NDST4: variants seen among roughly 807,000 people sequenced by gnomAD.
NDST4 encodes N-deacetylase and N-sulfotransferase 4.
A neutral mutation model predicts 100.8 loss-of-function variants in NDST4; 63 were observed. The observed-to-expected ratio is 0.62, with a 90% CI of 0.51 to 0.77. NDST4 has a LOEUF of 0.77. Among genes scored for constraint, NDST4 ranks in the 30% least tolerant of loss-of-function variants. NDST4 has a pLI of 0.00. For missense variants in NDST4, 943 were observed against 1,018.4 expected (o/e 0.93, Z 1.01); for synonymous variants, 377 against 361.8 (o/e 1.04, Z -0.48).
intron 6 of NDST4, among the ~76,000 whole-genome samples, chr4:114,886,671 T>C (rs1316924089): frequency 6.6e-6 from 1 of 152,124 alleles, no homozygotes; most frequent in African/African-American, 2.4e-5. Flanking sequence ...TAGTTTTTGA[T>C]AGATGGGAAA....
chr4:115,047,874 AAAT>A (rs1247852910), intron 2 of NDST4, among the ~76,000 whole-genome samples: 2 of 152,170 alleles, frequency 1.3e-5, no homozygotes, highest in African/African-American at 4.8e-5. Flanking sequence ...AATATTATAA[AAAT>A]AATGACTTGT....
chr4:114,889,141 C>T (rs1399758121), intron 6 of NDST4, among the ~76,000 whole-genome samples: 1 of 152,040 alleles, frequency 6.6e-6, no homozygotes, highest in African/African-American at 2.4e-5. Context: ...TTATATTTTA[C>T]AAAAGCACAT....
intron 2 of NDST4, among the ~76,000 whole-genome samples, chr4:115,015,670 A>G (rs1727660935): frequency 6.6e-6 from 1 of 152,086 alleles, no homozygotes; most frequent in East Asian, 1.9e-4. Flanking sequence ...TTAATAACCA[A>G]GTAGATAGTA....
At chr4:114,893,461 A>T (rs1203176149) in intron 6 of NDST4, among the ~76,000 whole-genome samples, 1 of 151,752 alleles carries the variant, frequency 6.6e-6, no homozygotes, top group Non-Finnish European at 1.5e-5. Context: ...ATGGTTTCTC[A>T]TTGTGGTTTT....
At chr4:114,948,798 A>T (rs948545951) in intron 4 of NDST4, among the ~76,000 whole-genome samples, 8 of 152,098 alleles carry the variant, frequency 5.3e-5, no homozygotes, top group African/African-American at 7.2e-5. Flanking sequence ...CAACTACTTT[A>T]AAAAATCATG....
At chr4:114,866,007 ATATT>A (rs1724018754) in intron 7 of NDST4, among the ~76,000 whole-genome samples, 1 of 152,238 alleles carries the variant, frequency 6.6e-6, no homozygotes, top group Admixed American at 6.5e-5. Context: ...TTAGGAAAAA[ATATT>A]TAAGATAATA....
At chr4:115,024,154 C>G (rs1727927470) in intron 2 of NDST4, among the ~76,000 whole-genome samples, 1 of 152,150 alleles carries the variant, frequency 6.6e-6, no homozygotes, top group African/African-American at 2.4e-5. Flanking sequence ...ACACAGCCCC[C>G]ACTAGGAAAA....
intron 6 of NDST4, among the ~76,000 whole-genome samples, chr4:114,918,416 T>C (rs1441257990): frequency 7.3e-6 from 1 of 136,698 alleles, no homozygotes; most frequent in Non-Finnish European, 1.6e-5. Context: ...GGGGGAGGGA[T>C]AGCATTGGGA....
chr4:114,835,492 T>C (rs916167901), intron 11 of NDST4, among the ~76,000 whole-genome samples: 3 of 152,220 alleles, frequency 2.0e-5, no homozygotes, highest in Admixed American at 1.3e-4. Context: ...CTGTTTGTTA[T>C]GATTTCCATT....
At chr4:114,843,315 C>T (rs1442895775) in intron 10 of NDST4, among the ~76,000 whole-genome samples, 1 of 152,156 alleles carries the variant, frequency 6.6e-6, no homozygotes, top group Non-Finnish European at 1.5e-5. Context: ...TAAGCCATTT[C>T]CTATAGCCAT....
chr4:114,833,761 G>A, intron 11 of NDST4, 46 bp from the exon 12 acceptor site: 1 of 1,258,028 alleles, frequency 7.9e-7, no homozygotes, highest in Non-Finnish European at 1.1e-6. Flanking sequence ...AAATTAAATT[G>A]AATAGACTGT....
At chr4:114,943,571 GTA>G (rs757024227) in intron 4 of NDST4, among the ~76,000 whole-genome samples, 17 of 152,050 alleles carry the variant, frequency 1.1e-4, no homozygotes, top group Admixed American at 2.0e-4. Flanking sequence ...TTACATTTGA[GTA>G]TCTCTGCCAA....
At chr4:115,104,453 A>G (rs1373860707) in intron 1 of NDST4, among the ~76,000 whole-genome samples, 1 of 152,088 alleles carries the variant, frequency 6.6e-6, no homozygotes, top group Admixed American at 6.6e-5. Context: ...CAGAAGACCA[A>G]CTAGGAAACA....
Position 114,921,953 on chromosome 4 carries a change from CT to C in NDST4, c.1536+13252del, listed in dbSNP as rs1010962260. Among the ~76,000 whole-genome samples the C allele has an allele frequency of 4.4e-4, 67 of 151,858 alleles. 1 individual carries two copies. Among genetic ancestry groups the C allele is most frequent in the African/African-American group, 1.5e-3 (61 of 41,422 alleles). Reference sequence around the variant, plus strand: ...TCCTCTCCCCTGTTCTCTCATTTCCCTTTTTTTTCTGACACAACATTAACAA... The same window carrying C: ...TCCTCTCCCCTGTTCTCTCATTTCCCTTTTTTTCTGACACAACATTAACAA... On this transcript the variant is annotated intron_variant, in intron 6 of 13. Transcript: ENST00000264363.
At chr4:115,087,878 T>A (rs1439747119) in intron 1 of NDST4, among the ~76,000 whole-genome samples, 2 of 151,864 alleles carry the variant, frequency 1.3e-5, no homozygotes, top group East Asian at 3.8e-4. Context: ...CTTGAAAGTA[T>A]TATAAATTTT....
chr4:114,884,813 G>A (rs548242330), intron 6 of NDST4, among the ~76,000 whole-genome samples: 3 of 152,094 alleles, frequency 2.0e-5, no homozygotes, highest in Non-Finnish European at 4.4e-5. Context: ...TTGAAATATC[G>A]TGATTGACAC....
intron 3 of NDST4, among the ~76,000 whole-genome samples, chr4:114,972,208 A>G (rs1195942817): frequency 6.6e-6 from 1 of 152,028 alleles, no homozygotes; most frequent in East Asian, 1.9e-4. Context: ...GAATAATTTA[A>G]TTTAGTCTAT....
chr4:114,857,529 T>C (rs559107457), intron 7 of NDST4, among the ~76,000 whole-genome samples: 1 of 152,314 alleles, frequency 6.6e-6, no homozygotes, highest in African/African-American at 2.4e-5. Context: ...AGGGTTTCTA[T>C]AACCTGCTGA....
At chr4:114,835,263 A>C (rs1159717559) in intron 11 of NDST4, among the ~76,000 whole-genome samples, 1 of 152,120 alleles carries the variant, frequency 6.6e-6, no homozygotes, top group Non-Finnish European at 1.5e-5. Context: ...TAGTGGTATA[A>C]ATTTCTCTCT....
Sources: allele counts gnomAD v4.1 joint callset (sites outside exome capture counted in the v4.1 genomes callset), GRCh38; gene constraint gnomAD v4.1.1; transcripts MANE v1.5; gene names NCBI Gene and HGNC (gene_info 2026-07-23, HGNC 2026-07-21).